The following PCNX2 variants were observed in gnomAD, a reference collection of about 807,000 sequenced individuals.
PCNX2 encodes pecanex-like protein 2.
A neutral mutation model predicts 223.8 loss-of-function variants in PCNX2; 168 were observed. The observed-to-expected ratio is 0.75, with a 90% CI of 0.66 to 0.85. The LOEUF is 0.85. Among genes scored for constraint, PCNX2 ranks in the 40% least tolerant of loss-of-function variants. The probability of loss-of-function intolerance (pLI) is 0.00; values close to 1 mark genes in which losing one functional copy is unlikely to be tolerated. For missense variants in PCNX2, 2,507 were observed against 2,675.5 expected (o/e 0.94, Z 1.39); for synonymous variants, 1,006 against 1,052.6 (o/e 0.96, Z 0.86).
intron 7 of PCNX2, 129 bp downstream of exon 7, chr1:233,252,225 T>C: frequency 2.7e-6 from 3 of 1,119,774 alleles, no homozygotes; most frequent in Non-Finnish European, 2.4e-6. Flanking sequence ...AAGAACAGTA[T>C]GTGGGCAACC....
At chr1:233,051,045 T>C (rs1412942130) in intron 25 of PCNX2, among the ~76,000 whole-genome samples, 4 of 151,972 alleles carry the variant, frequency 2.6e-5, no homozygotes, top group Non-Finnish European at 5.9e-5. Context: ...AAAGAAGACA[T>C]ACAAGTGGCC....
At chr1:233,132,892 C>CTTTTTTT (rs892121349) in intron 21 of PCNX2, among the ~76,000 whole-genome samples, 3 of 114,854 alleles carry the variant, frequency 2.6e-5, no homozygotes, top group African/African-American at 3.4e-5. Flanking sequence ...CATTTTACAT[C>CTTTTTTT]TTTTTTTTTT....
At chr1:233,312,829 G>A in the PCNX2 span, among the ~76,000 whole-genome samples, 6 of 151,898 alleles carry the variant, frequency 4.0e-5, no homozygotes, top group Admixed American at 3.9e-4. Context: ...ATGTCCATTA[G>A]TAAGACTATT....
intron 28 of PCNX2, among the ~76,000 whole-genome samples, chr1:233,010,149 C>T (rs1670414151): frequency 6.6e-6 from 1 of 152,214 alleles, no homozygotes; most frequent in African/African-American, 2.4e-5. Context: ...TGTGACATGA[C>T]AGCTGGCCCC....
At chr1:232,985,986 G>A in intron 33 of PCNX2, 106 bp downstream of exon 33, 1 of 1,230,314 alleles carries the variant, frequency 8.1e-7, no homozygotes, top group Non-Finnish European at 1.2e-6. Context: ...AAGGGGATGG[G>A]GTTCTGCAGG....
chr1:233,130,673 C>T (rs1404288204), intron 21 of PCNX2, among the ~76,000 whole-genome samples: 2 of 151,710 alleles, frequency 1.3e-5, no homozygotes, highest in South Asian at 2.1e-4. Context: ...TTAGTAGAGA[C>T]GGGGTTTCAC....
chr1:232,996,395 C>T (rs190702363), intron 32 of PCNX2, among the ~76,000 whole-genome samples: 1 of 152,252 alleles, frequency 6.6e-6, no homozygotes, highest in Admixed American at 6.5e-5. Context: ...TCCCATGATC[C>T]TGAAACACAT....
At chr1:233,171,166 T>A (rs1458055540) in intron 17 of PCNX2, among the ~76,000 whole-genome samples, 1 of 152,186 alleles carries the variant, frequency 6.6e-6, no homozygotes, top group African/African-American at 2.4e-5. Flanking sequence ...CTACCTTACA[T>A]TTTTTAAGCC....
chr1:233,085,630 G>GAAT (rs1673565621), intron 23 of PCNX2, among the ~76,000 whole-genome samples: 2 of 152,258 alleles, frequency 1.3e-5, no homozygotes, highest in African/African-American at 4.8e-5. Flanking sequence ...GAATGGGAGA[G>GAAT]AATCGATGCT....
At chr1:233,214,348 G>C (rs1242568043) in intron 12 of PCNX2, among the ~76,000 whole-genome samples, 1 of 152,136 alleles carries the variant, frequency 6.6e-6, no homozygotes, top group South Asian at 2.1e-4. Flanking sequence ...AGTTTCCCAA[G>C]CTCTCACAGC....
intron 28 of PCNX2, among the ~76,000 whole-genome samples, chr1:233,006,942 T>A (rs898321086): frequency 2.0e-5 from 3 of 151,970 alleles, no homozygotes; most frequent in Non-Finnish European, 4.4e-5. Context: ...ATCTCCACCT[T>A]GGGTACTGCA....
At chr1:233,305,456 A>G in the PCNX2 span, among the ~76,000 whole-genome samples, 1 of 151,932 alleles carries the variant, frequency 6.6e-6, no homozygotes, top group Non-Finnish European at 1.5e-5. Flanking sequence ...TCTTTTATTT[A>G]TTCTTTTGTG....
chr1:233,181,540 T>G (rs1201287075), intron 15 of PCNX2, among the ~76,000 whole-genome samples: 1 of 152,194 alleles, frequency 6.6e-6, no homozygotes, highest in Non-Finnish European at 1.5e-5. Context: ...CTCCTTCCCC[T>G]TGATCCAGTT....
At chr1:233,023,204 A>C (rs374505388) in intron 26 of PCNX2, among the ~76,000 whole-genome samples, 1 of 152,176 alleles carries the variant, frequency 6.6e-6, no homozygotes, top group South Asian at 2.1e-4. Context: ...GGAAATACTC[A>C]AGGGACACTC....
At chr1:233,077,310 C>G (rs1393980281) in intron 23 of PCNX2, among the ~76,000 whole-genome samples, 1 of 152,128 alleles carries the variant, frequency 6.6e-6, no homozygotes, top group East Asian at 1.9e-4. Context: ...AAGATTGTGT[C>G]AAATCTTGAC....
intron 15 of PCNX2, among the ~76,000 whole-genome samples, chr1:233,191,675 T>A (rs548039117): frequency 6.6e-6 from 1 of 152,286 alleles, no homozygotes; most frequent in South Asian, 2.1e-4. Context: ...CTCTCTCCAT[T>A]TGAAAGACAG....
intron 1 of PCNX2, among the ~76,000 whole-genome samples, chr1:233,294,423 C>T (rs987487375): frequency 6.6e-6 from 1 of 152,046 alleles, no homozygotes; most frequent in Non-Finnish European, 1.5e-5. Context: ...GATACACTGC[C>T]GGAAAAAGAG....
At chr1:233,217,989 G>GT in intron 11 of PCNX2, 42 bp downstream of exon 11, 1 of 1,613,216 alleles carries the variant, frequency 6.2e-7, no homozygotes, top group Non-Finnish European at 8.5e-7. Flanking sequence ...GGCTACATTA[G>GT]TGACAGCACA....
chr1:233,165,704 C>T (rs543964881), intron 17 of PCNX2, among the ~76,000 whole-genome samples: 2 of 152,160 alleles, frequency 1.3e-5, no homozygotes, highest in South Asian at 2.1e-4. Flanking sequence ...ATGAGAGAAA[C>T]TAAACAGATA....
Sources: allele counts gnomAD v4.1 joint callset (sites outside exome capture counted in the v4.1 genomes callset), GRCh38; gene constraint gnomAD v4.1.1; transcripts MANE v1.5; gene names NCBI Gene and HGNC (gene_info 2026-07-23, HGNC 2026-07-21).